The following NDUFAF2 variants were observed in gnomAD, a reference collection of about 807,000 sequenced individuals.
NDUFAF2 encodes NADH:ubiquinone oxidoreductase complex assembly factor 2, also known as NADH dehydrogenase [ubiquinone] 1 alpha subcomplex assembly factor 2.
In NDUFAF2, 13 loss-of-function variants were observed where a neutral mutation model predicts 22.8. The observed-to-expected ratio is 0.57, with a 90% CI of 0.37 to 0.91. NDUFAF2 has a LOEUF of 0.91. Among genes scored for constraint, NDUFAF2 ranks in the 40% least tolerant of loss-of-function variants. The probability of loss-of-function intolerance (pLI) is 0.01; values close to 1 mark genes in which losing one functional copy is unlikely to be tolerated. For missense variants in NDUFAF2, 162 were observed against 195.2 expected (o/e 0.83, Z 1.01); for synonymous variants, 53 against 64.2 (o/e 0.83, Z 0.84).
intron 1 of NDUFAF2, among the ~76,000 whole-genome samples, chr5:60,975,539 A>G (rs897589896): frequency 3.3e-5 from 5 of 152,188 alleles, no homozygotes; most frequent in African/African-American, 1.2e-4. Flanking sequence ...AAAATTTGTG[A>G]GTTATTAACA....
At chr5:60,994,476 G>A (rs1054770883) in intron 1 of NDUFAF2, among the ~76,000 whole-genome samples, 6 of 152,228 alleles carry the variant, frequency 3.9e-5, no homozygotes, top group African/African-American at 1.4e-4. Context: ...CCCAGCTTCT[G>A]CAGGGTCTGT....
chr5:60,983,007 G>C (rs1210946930), intron 1 of NDUFAF2, among the ~76,000 whole-genome samples: 1 of 151,630 alleles, frequency 6.6e-6, no homozygotes, highest in Admixed American at 6.6e-5. Flanking sequence ...CTAGTTTACG[G>C]TCCCACCAAC....
intron 3 of NDUFAF2, among the ~76,000 whole-genome samples, chr5:61,143,614 G>A (rs907796631): frequency 1.3e-4 from 19 of 151,804 alleles, no homozygotes; most frequent in African/African-American, 3.9e-4. Context: ...TTATAAATCC[G>A]GTTTCTCATT....
At chr5:61,001,574 A>G (rs1457089808) in intron 1 of NDUFAF2, among the ~76,000 whole-genome samples, 1 of 152,170 alleles carries the variant, frequency 6.6e-6, no homozygotes, top group Non-Finnish European at 1.5e-5. Flanking sequence ...TATTAAATGT[A>G]GTTTGATTAG....
chr5:60,985,646 T>C lies in NDUFAF2; in HGVS notation c.127+40264T>C, dbSNP rs192556053. On this transcript the variant is annotated intron_variant, in intron 1 of 3. Coordinates refer to ENST00000296597, the MANE Select transcript of NDUFAF2 (RefSeq NM_174889.5). ...CATTTTTATTTCTGCCTTCATTTCG[T>C]TATGTACCCAGTAGTCATTCAGGAG... is the stretch of plus-strand genomic sequence containing the variant. Among the ~76,000 whole-genome samples, 52 of 152,332 alleles carry C rather than the reference T, an allele frequency of 3.4e-4. 1 individual carries two copies. Among genetic ancestry groups the C allele is most frequent in the Non-Finnish European group, 2.9e-5 (2 of 68,036 alleles).
intron 1 of NDUFAF2, among the ~76,000 whole-genome samples, chr5:61,014,833 TTTTTGAA>T (rs1002859642): frequency 6.6e-6 from 1 of 152,216 alleles, no homozygotes; most frequent in African/African-American, 2.4e-5. Context: ...TTTGCAGCTT[TTTTTGAA>T]ACACTAAGAC....
chr5:61,015,234 T>A (rs1284110411), intron 1 of NDUFAF2, among the ~76,000 whole-genome samples: 1 of 152,186 alleles, frequency 6.6e-6, no homozygotes, highest in Non-Finnish European at 1.5e-5. Context: ...GACACACTAT[T>A]TTTAATTACT....
intron 1 of NDUFAF2, among the ~76,000 whole-genome samples, chr5:61,035,193 A>G (rs1018149895): frequency 6.6e-6 from 1 of 151,716 alleles, no homozygotes; most frequent in Admixed American, 6.6e-5. Context: ...CAGCCTCCCA[A>G]GTGGCTGGGA....
intron 1 of NDUFAF2, among the ~76,000 whole-genome samples, chr5:61,021,098 A>T (rs1157933444): frequency 1.3e-5 from 2 of 149,820 alleles, no homozygotes; most frequent in Admixed American, 1.3e-4. Context: ...ACTTTGTGGC[A>T]TAGTATTAGT....
intron 1 of NDUFAF2, among the ~76,000 whole-genome samples, chr5:61,009,076 CAT>C (rs2112596423): frequency 6.6e-6 from 1 of 152,068 alleles, no homozygotes; most frequent in Admixed American, 6.6e-5. Flanking sequence ...TTGTTATCTT[CAT>C]AGTTTACAGT....
At chr5:61,091,228 G>T (rs1752565357) in intron 2 of NDUFAF2, among the ~76,000 whole-genome samples, 1 of 152,126 alleles carries the variant, frequency 6.6e-6, no homozygotes, top group Non-Finnish European at 1.5e-5. Flanking sequence ...AGGTCAAATG[G>T]TATTTCTGTC....
intron 1 of NDUFAF2, among the ~76,000 whole-genome samples, chr5:60,954,238 C>T (rs1190066170): frequency 6.6e-6 from 1 of 152,086 alleles, no homozygotes; most frequent in Non-Finnish European, 1.5e-5. Context: ...TATAGGCATT[C>T]TGTATAGGTT....
chr5:61,006,733 T>C (rs935601734), intron 1 of NDUFAF2, among the ~76,000 whole-genome samples: 3 of 152,036 alleles, frequency 2.0e-5, no homozygotes, highest in Non-Finnish European at 4.4e-5. Flanking sequence ...GTTTAAAACA[T>C]AGCGTATTGT....
intron 1 of NDUFAF2, among the ~76,000 whole-genome samples, chr5:61,030,713 T>A (rs1268494116): frequency 1.3e-5 from 2 of 152,122 alleles, no homozygotes; most frequent in Non-Finnish European, 2.9e-5. Flanking sequence ...CTGGATAGTG[T>A]AATGATTATT....
chr5:60,966,631 T>A (rs1750761431), intron 1 of NDUFAF2, among the ~76,000 whole-genome samples: 1 of 152,124 alleles, frequency 6.6e-6, no homozygotes, highest in Non-Finnish European at 1.5e-5. Context: ...TTCCCATCTG[T>A]GTTCTTGGCA....
intron 3 of NDUFAF2, among the ~76,000 whole-genome samples, chr5:61,150,932 TC>T (rs2111836504): frequency 6.6e-6 from 1 of 152,342 alleles, no homozygotes; most frequent in East Asian, 1.9e-4. Context: ...TTCTCTACTC[TC>T]ACCCTCACTT....
At chr5:60,959,393 G>T (rs1750655874) in intron 1 of NDUFAF2, among the ~76,000 whole-genome samples, 1 of 151,924 alleles carries the variant, frequency 6.6e-6, no homozygotes. Context: ...CTGCACTACT[G>T]TTTTATAAAC....
chr5:61,025,741 A>C (rs1751641198), intron 1 of NDUFAF2, among the ~76,000 whole-genome samples: 1 of 152,066 alleles, frequency 6.6e-6, no homozygotes, highest in Non-Finnish European at 1.5e-5. Flanking sequence ...TTGACTTCAT[A>C]TATAGAAAAC....
At chr5:61,147,433 C>CTTTTTTTTTTT (rs1561139813) in intron 3 of NDUFAF2, among the ~76,000 whole-genome samples, 2 of 47,474 alleles carry the variant, frequency 4.2e-5, no homozygotes, top group Non-Finnish European at 9.3e-5. Context: ...ATTTTTTTTT[C>CTTTTTTTTTTT]TTTCTTTTTT....
Sources: allele counts gnomAD v4.1 joint callset (sites outside exome capture counted in the v4.1 genomes callset), GRCh38; gene constraint gnomAD v4.1.1; transcripts MANE v1.5; gene names NCBI Gene and HGNC (gene_info 2026-07-23, HGNC 2026-07-21).